The following KLF11 variants were observed in gnomAD, a reference collection of about 807,000 sequenced individuals.
The protein encoded by KLF11 is Krueppel-like factor 11.
KLF11 carries 26 observed loss-of-function variants against 29.9 expected under a neutral mutation model. That is an observed-to-expected ratio of 0.87 (90% CI 0.64 to 1.21). The LOEUF is 1.21. KLF11 is among the 50% of genes most tolerant of loss of function. The pLI, the probability that KLF11 is intolerant of heterozygous loss-of-function variation, is 0.00. For synonymous variants in KLF11, 318 were observed against 257.4 expected, an observed-to-expected ratio of 1.24 and a Z score of -2.25; for missense variants, 778 against 665.7, an observed-to-expected ratio of 1.17 and a Z score of -1.86.
Position 10,052,722 on chromosome 2 carries a change from T to C in KLF11, c.*215T>C. ...TGTAGTTTCAGAAGTTTTTTTGTTT[T>C]GGTTTTTTTTTTAAAGAAATGGTAG... is the stretch of plus-strand genomic sequence containing the variant. On this transcript the variant is annotated 3_prime_UTR_variant, in exon 4 of 4. Coordinates refer to ENST00000305883, the MANE Select transcript of KLF11 (RefSeq NM_003597.5). The C allele has an allele frequency of 2.3e-6, 1 of 429,188 alleles. No individual in the cohort carries two copies. The highest frequency in any genetic ancestry group is 3.9e-6 in the Non-Finnish European group (1 of 255,068). 26.6% of individuals were successfully genotyped at this position (429,188 alleles called of 1,614,324 possible).
Position 10,052,579 on chromosome 2 carries a change from C to T in KLF11, c.*72C>T. 2.7e-6 allele frequency: 4 copies of T among 1,498,460 alleles called. No homozygotes were observed. The South Asian group carries it at 3.5e-5, about 13-fold the overall frequency. 92.8% of individuals were successfully genotyped at this position (1,498,460 alleles called of 1,614,324 possible). A position where few individuals can be genotyped will look rare whatever the true frequency, so the allele number is the denominator to read the frequency against. On this transcript the variant is annotated 3_prime_UTR_variant, in exon 4 of 4. Transcript: ENST00000305883. ...CCAGGAATGGAACTGATGGATTCCT[C>T]TCCCACTGCCTCACCCAAAAAAAAC... is the stretch of plus-strand genomic sequence containing the variant.
intron 3 of KLF11, 142 bp downstream of exon 3, chr2:10,048,737 C>A: frequency 2.8e-6 from 2 of 721,314 alleles, no homozygotes; most frequent in Non-Finnish European, 4.9e-6. Flanking sequence ...TTCTGAAAAG[C>A]CCGCACAACC....
rs1466640080 is a variant in KLF11 at position 10,053,696 on chromosome 2, A to AATG, written c.*1190_*1192dup. 3.1e-6 allele frequency: 1 copy of AATG among 323,358 alleles called. No individual in the cohort carries two copies. Among genetic ancestry groups the AATG allele is most frequent in the Non-Finnish European group, 5.6e-6 (1 of 178,690 alleles). The allele number at this position is 323,358 out of a possible 1,614,324, so 20.0% of individuals were successfully genotyped here. On this transcript the variant is annotated 3_prime_UTR_variant, in exon 4 of 4. Coordinates refer to ENST00000305883, the MANE Select transcript of KLF11 (RefSeq NM_003597.5). ...TTTGACCAAACAGAAAATTACTTGG[A>AATG]ATGGTGTGTTTTACAGTCTACCTAG... is the stretch of plus-strand genomic sequence containing the variant.
chr2:10,046,413 G>T lies in KLF11; in HGVS notation c.306G>T (p.Ser102=). ...PELPKDFHSL[S]TLCITPPQSP... ...TACCAAAAGACTTCCATTCTTTATCGACTCTGGTAAGAGGAGGTGGGAGGG... is the reference window on the plus strand; with the variant it reads ...TACCAAAAGACTTCCATTCTTTATCTACTCTGGTAAGAGGAGGTGGGAGGG... Residue 102 remains serine (S), a synonymous_variant, in exon 2 of 4, where the codon TCG becomes TCT. Transcript: ENST00000305883. The T allele has an allele frequency of 2.5e-6, 4 of 1,613,868 alleles. No individual in the cohort carries two copies. The highest frequency in any genetic ancestry group is 3.4e-6 in the Non-Finnish European group (4 of 1,180,022).
Position 10,053,219 on chromosome 2 carries a change from A to G in KLF11, c.*712A>G. 7.5e-6 allele frequency: 3 copies of G among 399,066 alleles called. No homozygotes were observed. Among genetic ancestry groups the G allele is most frequent in the East Asian group, 7.1e-5 (2 of 28,108 alleles). 24.7% of individuals were successfully genotyped at this position (399,066 alleles called of 1,614,324 possible). ...TAGTGAGCTGTGTCCATGGTGTGTC[A>G]TGAAGGATGTACCCCAGAGAGTAAC... On this transcript the variant is annotated 3_prime_UTR_variant, in exon 4 of 4. Coordinates refer to ENST00000305883, the MANE Select transcript of KLF11 (RefSeq NM_003597.5).
intron 1 of KLF11, among the ~76,000 whole-genome samples, chr2:10,045,595 TC>T (rs1661169446): frequency 6.6e-6 from 1 of 152,216 alleles, no homozygotes; most frequent in Non-Finnish European, 1.5e-5. Flanking sequence ...TGACTTCCAC[TC>T]CCGAATCTGT....
At chr2:10,046,091 C>G in intron 1 of KLF11, 59 bp from the exon 2 acceptor site, 1 of 1,607,586 alleles carries the variant, frequency 6.2e-7, no homozygotes, top group Non-Finnish European at 8.5e-7. Flanking sequence ...ACATGCCCAT[C>G]ATGGGTGGCC....
In KLF11 at chr2:10,043,693, T is replaced by C. The variant is rs771653695; in HGVS notation, c.-24T>C. 3 of 1,309,094 alleles carry C rather than the reference T, an allele frequency of 2.3e-6. No homozygotes were observed. Among genetic ancestry groups the C allele is most frequent in the South Asian group, 1.4e-5 (1 of 74,068 alleles). The allele number at this position is 1,309,094 out of a possible 1,614,324, so 81.1% of individuals were successfully genotyped here. Reference sequence around the variant, plus strand: ...CCGAGCTCACGCCCCGCGGCCGCTTTGTTGCTCCCGGCCGGCCTGCACGAT... The same window carrying C: ...CCGAGCTCACGCCCCGCGGCCGCTTCGTTGCTCCCGGCCGGCCTGCACGAT... On this transcript the variant is annotated 5_prime_UTR_variant, in exon 1 of 4. Transcript: ENST00000305883.
chr2:10,048,440 C>G lies in KLF11; in HGVS notation c.1103C>G (p.Pro368Arg). 3 of 1,614,124 alleles carry G rather than the reference C, an allele frequency of 1.9e-6. No individual in the cohort carries two copies. Among genetic ancestry groups the G allele is most frequent in the Non-Finnish European group, 2.5e-6 (3 of 1,180,036 alleles). Residue 368 changes from proline to arginine, a missense_variant, in exon 3 of 4, where the codon CCC becomes CGC. Transcript: ENST00000305883. Reference sequence around the variant, plus strand: ...GCTGCCGGGAATACCAAGTTGTTGCCCCTTGCCCCTGCTCCAGTGTTCATC... The same window carrying G: ...GCTGCCGGGAATACCAAGTTGTTGCGCCTTGCCCCTGCTCCAGTGTTCATC... ...VMAAGNTKLL[P>R]LAPAPVFITS...
At chr2:10,044,242 C>G (rs1023831540) in intron 1 of KLF11, 2 of 976,170 alleles carry the variant, frequency 2.0e-6, no homozygotes, top group Non-Finnish European at 2.4e-6. Context: ...CGGGCAAGGT[C>G]TAGGGGCCGG....
rs752273428 is a variant in KLF11, at chr2:10,048,516, CTATG to C, written c.1184_1187del (p.Val395AlafsTer74). The stretch of plus-strand genomic sequence containing the variant: ...AGGTAGACTTTTCCCGAAGGAGGAA[CTATG>C]TATGCAGCTTCCCAGGTTGCCGGAA... On this transcript the variant is annotated frameshift_variant, in exon 3 of 4. Coordinates refer to ENST00000305883, the MANE Select transcript of KLF11 (RefSeq NM_003597.5). LOFTEE classifies it high-confidence loss of function. 6.2e-7 allele frequency: 1 copy of C among 1,613,636 alleles called. No homozygotes were observed. Among genetic ancestry groups the C allele is most frequent in the South Asian group, 1.1e-5 (1 of 91,086 alleles).
chr2:10,048,075 A>G lies in KLF11; in HGVS notation c.738A>G (p.Lys246=). 4 of 1,614,190 alleles carry G rather than the reference A, an allele frequency of 2.5e-6. No individual in the cohort carries two copies. The highest frequency in any genetic ancestry group is 2.5e-6 in the Non-Finnish European group (3 of 1,180,016). ...CTGGTGGCCTGCTGCTCACTGACAA[A>G]GGCCAGCAGGCAGGGTGGCCTGGTG... ...HKSGGLLLTD[K]GQQAGWPGAV... Residue 246 remains lysine (K), a synonymous_variant, in exon 3 of 4, where the codon AAA becomes AAG. Coordinates refer to ENST00000305883, the MANE Select transcript of KLF11 (RefSeq NM_003597.5).
At position 10,048,732 on chromosome 2, in the gene KLF11, A is replaced by G. The variant is rs370211611; in HGVS notation, c.1258+137A>G. On this transcript the variant is annotated intron_variant, in intron 3 of 3. Coordinates refer to ENST00000305883, the MANE Select transcript of KLF11 (RefSeq NM_003597.5). Reference sequence around the variant, plus strand: ...AAGTGTGGCTTTTTCTTTGGTTCTGAAAAGCCCGCACAACCTTGTAAGGGT... The same window carrying G: ...AAGTGTGGCTTTTTCTTTGGTTCTGGAAAGCCCGCACAACCTTGTAAGGGT... The G allele has an allele frequency of 1.6e-5, 12 of 731,734 alleles. No individual in the cohort carries two copies. In the African/African-American group the frequency reaches 1.7e-4, roughly 11 times the overall value. 45.3% of individuals were successfully genotyped at this position (731,734 alleles called of 1,614,324 possible).
rs763833049 is a variant in KLF11 at position 10,046,436 on chromosome 2, G to A, written c.312+17G>A. On this transcript the variant is annotated intron_variant, in intron 2 of 3. Transcript: ENST00000305883. ...TCGACTCTGGTAAGAGGAGGTGGGAGGGAGGAGCGTTTTTGTGAAATGACT... is the reference window on the plus strand; with the variant it reads ...TCGACTCTGGTAAGAGGAGGTGGGAAGGAGGAGCGTTTTTGTGAAATGACT... The A allele has an allele frequency of 4.3e-6, 7 of 1,612,320 alleles. No individual in the cohort carries two copies. The highest frequency in any genetic ancestry group is 1.7e-5 in the Admixed American group (1 of 60,006).
At chr2:10,052,190 T>TA in intron 3 of KLF11, 37 bp from the exon 4 acceptor site, 2 of 1,606,432 alleles carry the variant, frequency 1.2e-6, no homozygotes, top group Non-Finnish European at 1.7e-6. Flanking sequence ...TGCTTAGCGT[T>TA]TCCTTTCTCT....
Position 10,052,334 on chromosome 2 carries a change from T to G in KLF11, c.1366T>G (p.Cys456Gly). The change falls in exon 4 of 4, where the codon TGC (cysteine) becomes GGC (glycine). Residue 456 changes from cysteine (C) to glycine (G), a missense_variant. Coordinates refer to ENST00000305883, the MANE Select transcript of KLF11 (RefSeq NM_003597.5). ...TCACACAGGGGAGAAGAAGTTTGTG[T>G]GCCCGGTGTGTGACCGACGTTTCAT... ...RTHTGEKKFV[C>G]PVCDRRFMRS... 1 of 1,614,126 alleles carries G rather than the reference T, an allele frequency of 6.2e-7. No individual in the cohort carries two copies. The highest frequency in any genetic ancestry group is 8.5e-7 in the Non-Finnish European group (1 of 1,180,010).
At chr2:10,044,029 C>A (rs1372659210) in intron 1 of KLF11, 3 of 716,318 alleles carry the variant, frequency 4.2e-6, no homozygotes, top group Non-Finnish European at 5.2e-6. Flanking sequence ...GCTGGCCCCG[C>A]GGCTATTTCC....
Position 10,052,317 on chromosome 2 carries a change from G to C in KLF11, c.1349G>C (p.Gly450Ala). The change falls in exon 4 of 4, where the codon GGG (glycine) becomes GCG (alanine). Residue 450 changes from glycine (G) to alanine (A), a missense_variant. Transcript: ENST00000305883. ...TCACGCCACCGCAGAACTCACACAGGGGAGAAGAAGTTTGTGTGCCCGGTG... is the reference window on the plus strand; with the variant it reads ...TCACGCCACCGCAGAACTCACACAGCGGAGAAGAAGTTTGTGTGCCCGGTG... Reference protein sequence around the residue: ...ELSRHRRTHTGEKKFVCPVCD... With the variant: ...ELSRHRRTHTAEKKFVCPVCD... 1.2e-6 allele frequency: 2 copies of C among 1,614,180 alleles called. No individual in the cohort carries two copies. Among genetic ancestry groups the C allele is most frequent in the Non-Finnish European group, 1.7e-6 (2 of 1,180,048 alleles).
chr2:10,048,862 G>C (rs549885556), intron 3 of KLF11, among the ~76,000 whole-genome samples: 2 of 149,164 alleles, frequency 1.3e-5, no homozygotes, highest in Non-Finnish European at 3.0e-5. Flanking sequence ...CTTTTAGAGT[G>C]ACTTACAGTG....
Sources: allele counts gnomAD v4.1 joint callset (sites outside exome capture counted in the v4.1 genomes callset), GRCh38; gene constraint gnomAD v4.1.1; transcripts MANE v1.5; gene names NCBI Gene and HGNC (gene_info 2026-07-23, HGNC 2026-07-21).